The following PPT1 variants were observed in gnomAD, a reference collection of about 807,000 sequenced individuals.
PPT1 encodes the protein palmitoyl-protein thioesterase 1.
In PPT1, 24 loss-of-function variants were observed where a neutral mutation model predicts 44.0. The ratio of observed to expected loss-of-function variants is 0.54; its 90% confidence interval spans 0.39 to 0.77. The LOEUF (loss-of-function observed/expected upper bound fraction) is 0.77, where lower values mean the gene tolerates loss of function less well. Among genes scored for constraint, PPT1 ranks in the 30% least tolerant of loss-of-function variants. The pLI is 0.00. For synonymous variants in PPT1, 148 were observed against 140.2 expected, an observed-to-expected ratio of 1.06 and a Z score of -0.39; for missense variants, 341 against 378.8, an observed-to-expected ratio of 0.90 and a Z score of 0.83.
At chr1:40,094,138 G>A (rs1427025417) in intron 1 of PPT1, 13 of 561,522 alleles carry the variant, frequency 2.3e-5, no homozygotes, top group Non-Finnish European at 3.6e-5. Context: ...GGGGTGAACA[G>A]ATGCAAAGTT....
chr1:40,096,919 T>G (rs1649886823), intron 1 of PPT1, 196 bp downstream of exon 1: 2 of 955,918 alleles, frequency 2.1e-6, no homozygotes, highest in Admixed American at 2.5e-5. Context: ...TTCCTTCCCC[T>G]TCTCTCTTTC....
chr1:40,086,795 G>C (rs1017747734), intron 5 of PPT1, among the ~76,000 whole-genome samples: 1 of 151,598 alleles, frequency 6.6e-6, no homozygotes, highest in African/African-American at 2.4e-5. Flanking sequence ...GCGACACAGA[G>C]AGAGAAGCAA....
intron 6 of PPT1, among the ~76,000 whole-genome samples, chr1:40,079,102 T>G (rs963829270): frequency 5.9e-5 from 9 of 152,190 alleles, no homozygotes; most frequent in Non-Finnish European, 1.0e-4. Flanking sequence ...ATATTTGGTC[T>G]TCTGTTTCTG....
chr1:40,072,266 A>AC (rs1244719463), downstream of PPT1: 205 of 302,890 alleles, frequency 6.8e-4, 1 homozygote, highest in African/African-American at 5.0e-3. Context: ...AAAAAAAAAA[A>AC]AAAAACCCAC....
rs960897155 is a variant in PPT1, at chr1:40,089,403, T to C, written c.536+7A>G. ...GGTCTGTAATCTTTTCAGCTAACCA[T>C]ACATACCGTTCCTGAACAACTTTGG... is the stretch of plus-strand genomic sequence containing the variant. On this transcript the variant is annotated splice_region_variant and intron_variant, in intron 5 of 8. Coordinates refer to ENST00000642050, the MANE Select transcript of PPT1 (RefSeq NM_000310.4). 5 of 1,607,946 alleles carry C rather than the reference T, an allele frequency of 3.1e-6. No homozygotes were observed. The highest frequency in any genetic ancestry group is 2.2e-5 in the East Asian group (1 of 44,708).
chr1:40,088,143 C>CTTTTT (rs869306144), intron 5 of PPT1, among the ~76,000 whole-genome samples: 1 of 139,726 alleles, frequency 7.2e-6, no homozygotes, highest in African/African-American at 2.6e-5. Context: ...ACCATCAAAA[C>CTTTTT]TTTTTTTTTT....
At chr1:40,095,952 A>T (rs1570474562) in intron 1 of PPT1, among the ~76,000 whole-genome samples, 1 of 152,162 alleles carries the variant, frequency 6.6e-6, no homozygotes, top group African/African-American at 2.4e-5. Flanking sequence ...TAACTTCTGT[A>T]CCTGCCCCTC....
At chr1:40,082,027 C>G (rs1394661338) in intron 5 of PPT1, among the ~76,000 whole-genome samples, 1 of 152,206 alleles carries the variant, frequency 6.6e-6, no homozygotes, top group Non-Finnish European at 1.5e-5. Context: ...AAAGGGGACT[C>G]TTTATACTTT....
In PPT1 at chr1:40,089,164, G is replaced by A. The variant is rs61475499; in HGVS notation, c.536+246C>T. ...TAGCCAGGCGTAGTGGCGCATGCCT[G>A]TAATCCCAGCTACTCGGAGGCGGAG... On this transcript the variant is annotated intron_variant, in intron 5 of 8. Transcript: ENST00000642050. Among the ~76,000 whole-genome samples, 22,978 of 151,804 alleles carry A rather than the reference G, an allele frequency of 0.15. 1,941 individuals carry two copies. The highest frequency in any genetic ancestry group is 0.23 in the East Asian group (1,202 of 5,146).
At chr1:40,080,931 G>A (rs1455970220) in intron 5 of PPT1, among the ~76,000 whole-genome samples, 3 of 152,150 alleles carry the variant, frequency 2.0e-5, no homozygotes, top group African/African-American at 7.2e-5. Flanking sequence ...CTTTAATACA[G>A]AAGACAAGAC....
At chr1:40,083,762 G>C (rs1045921671) in intron 5 of PPT1, among the ~76,000 whole-genome samples, 2 of 152,172 alleles carry the variant, frequency 1.3e-5, no homozygotes, top group African/African-American at 4.8e-5. Context: ...TATCATTCTA[G>C]ATGCCATTAA....
At chr1:40,077,025 CT>C (rs1276370701) in intron 7 of PPT1, 112 bp from the exon 8 acceptor site, 3 of 1,319,394 alleles carry the variant, frequency 2.3e-6, no homozygotes, top group East Asian at 2.4e-5. Flanking sequence ...CATCATAAAG[CT>C]GTAGGAAGAA....
intron 1 of PPT1, among the ~76,000 whole-genome samples, chr1:40,094,434 G>C (rs939669253): frequency 2.4e-5 from 1 of 42,176 alleles, no homozygotes; most frequent in Non-Finnish European, 7.0e-5. Context: ...ACCTCCTGCT[G>C]TGTGGCTAGT....
At chr1:40,086,272 AAGG>A (rs994985877) in intron 5 of PPT1, among the ~76,000 whole-genome samples, 22 of 152,038 alleles carry the variant, frequency 1.4e-4, no homozygotes, top group African/African-American at 5.1e-4. Context: ...AAACCGGAGG[AAGG>A]AGAAGGCTAG....
chr1:40,090,014 T>C (rs1570467961), intron 4 of PPT1, among the ~76,000 whole-genome samples: 2 of 152,116 alleles, frequency 1.3e-5, no homozygotes, highest in East Asian at 3.9e-4. Context: ...ACTGTAAAAA[T>C]GAGGTTAAAT....
rs746784832 is a variant in PPT1 at position 40,073,971 on chromosome 1, G to C, written c.*90C>G. 105 of 1,544,290 alleles carry C rather than the reference G, an allele frequency of 6.8e-5. No homozygotes were observed. The highest frequency in any genetic ancestry group is 9.3e-5 in the Non-Finnish European group (104 of 1,121,628). ...GAAGGATTAGTTGCAAGCTGGATCT[G>C]AGCTCAGGCTTGGGCATGAAGGAAA... On this transcript the variant is annotated 3_prime_UTR_variant, in exon 9 of 9. Transcript: ENST00000642050.
chr1:40,075,657 T>C (rs1229520579), intron 8 of PPT1, among the ~76,000 whole-genome samples: 4 of 151,642 alleles, frequency 2.6e-5, no homozygotes, highest in Non-Finnish European at 4.4e-5. Flanking sequence ...TTTTGGAGAG[T>C]CTGTCTCCAA....
chr1:40,076,656 T>A (rs1282243642), intron 8 of PPT1, 186 bp downstream of exon 8: 4 of 1,426,138 alleles, frequency 2.8e-6, no homozygotes, highest in Non-Finnish European at 3.7e-6. Context: ...CAGTGCCTAA[T>A]AAGCTAGAGC....
chr1:40,078,811 C>A (rs765628522), intron 6 of PPT1, 153 bp from the exon 7 acceptor site: 1 of 700,458 alleles, frequency 1.4e-6, no homozygotes, highest in Non-Finnish European at 2.6e-6. Flanking sequence ...CCAGGATATA[C>A]CTGTACAGCT....
Sources: gnomAD v4.1 joint callset for allele counts (sites outside exome capture counted in the v4.1 genomes callset) on GRCh38, gnomAD v4.1.1 for gene constraint, MANE v1.5 for transcripts, NCBI Gene and HGNC (gene_info 2026-07-23, HGNC 2026-07-21) for gene names.